PLEKHA6: variants seen among roughly 807,000 people sequenced by gnomAD.
The protein encoded by PLEKHA6 is pleckstrin homology domain-containing family A member 6.
A neutral mutation model predicts 116.7 loss-of-function variants in PLEKHA6; 60 were observed. That is an observed-to-expected ratio of 0.51 (90% confidence interval 0.42 to 0.64). The LOEUF is 0.64. Among genes scored for constraint, PLEKHA6 ranks in the 30% least tolerant of loss-of-function variants. The probability of loss-of-function intolerance (pLI) is 0.00; values close to 1 mark genes in which losing one functional copy is unlikely to be tolerated. For missense variants in PLEKHA6, 1,338 were observed against 1,422.7 expected, an observed-to-expected ratio of 0.94 and a Z score of 0.96; for synonymous variants, 489 against 556.1, an observed-to-expected ratio of 0.88 and a Z score of 1.70.
At chr1:204,266,112 T>G (rs113493936) in intron 5 of PLEKHA6, among the ~76,000 whole-genome samples, 4 of 152,024 alleles carry the variant, frequency 2.6e-5, no homozygotes, top group African/African-American at 9.7e-5. Context: ...CTTCTCCTCC[T>G]ACTCATCACA....
At position 204,291,017 on chromosome 1, in the gene PLEKHA6, G is replaced by A. The variant is rs9727418; in HGVS notation, c.-94-16208C>T. Among the ~76,000 whole-genome samples the A allele has an allele frequency of 9.8e-3, 1,315 of 133,594 alleles. 19 individuals carry two copies. The highest frequency in any genetic ancestry group is 0.032 in the African/African-American group (1,203 of 38,064). The allele number at this position is 133,594 out of a possible 152,430, so 87.6% of individuals were successfully genotyped here. The stretch of plus-strand genomic sequence containing the variant: ...AAAAAAAAAAAAAAGACATTGTTAC[G>A]AAAATGAAAAAGTAAGCCATAAACA... On this transcript the variant is annotated intron_variant, in intron 1 of 22. Transcript: ENST00000272203.
intron 8 of PLEKHA6, among the ~76,000 whole-genome samples, chr1:204,258,236 G>A (rs915878558): frequency 3.9e-5 from 6 of 152,198 alleles, no homozygotes; most frequent in South Asian, 4.1e-4. Context: ...GGCAATGTAG[G>A]AGGGATGAAA....
chr1:204,358,867 C>T (rs1396408297), intron 1 of PLEKHA6, among the ~76,000 whole-genome samples: 1 of 151,922 alleles, frequency 6.6e-6, no homozygotes, highest in Non-Finnish European at 1.5e-5. Flanking sequence ...AGAGCATTTC[C>T]CAGGAGCCTC....
chr1:204,361,973 C>A (rs1366296312), upstream of PLEKHA6, among the ~76,000 whole-genome samples: 1 of 152,218 alleles, frequency 6.6e-6, no homozygotes, highest in Non-Finnish European at 1.5e-5. Context: ...GGGCGGGTTT[C>A]CTCTCTGGCA....
chr1:204,275,015 G>A, intron 1 of PLEKHA6: 1 of 877,728 alleles, frequency 1.1e-6, no homozygotes. Flanking sequence ...GATGAAGCCT[G>A]GTCACCTCCC....
rs535657418 is a variant in PLEKHA6 at position 204,314,740 on chromosome 1, C to T, written c.-94-39931G>A. Among the ~76,000 whole-genome samples the T allele has an allele frequency of 3.3e-5, 5 of 152,320 alleles. No individual in the cohort carries two copies. The East Asian group carries it at 7.7e-4, about 24-fold the overall frequency. ...TCTCCCTGCCTCAGAGACCTTTATC[C>T]ACTTCATCTCTTACCTCCACAATGG... On this transcript the variant is annotated intron_variant, in intron 1 of 22. Coordinates refer to ENST00000272203, the MANE Select transcript of PLEKHA6 (RefSeq NM_014935.5).
chr1:204,237,842 C>T (rs2102517002), intron 17 of PLEKHA6, among the ~76,000 whole-genome samples: 1 of 152,312 alleles, frequency 6.6e-6, no homozygotes, highest in Middle Eastern at 3.4e-3. Flanking sequence ...ACATTGATGA[C>T]CTTATGCTGA....
At chr1:204,326,357 G>A (rs1381278959) in intron 1 of PLEKHA6, among the ~76,000 whole-genome samples, 1 of 152,130 alleles carries the variant, frequency 6.6e-6, no homozygotes, top group African/African-American at 2.4e-5. Context: ...TTCTATCAGT[G>A]CCCACTATGT....
chr1:204,273,875 G>T (rs1667736398), intron 2 of PLEKHA6, 135 bp from the exon 3 acceptor site: 1 of 649,996 alleles, frequency 1.5e-6, no homozygotes, highest in Non-Finnish European at 2.8e-6. Context: ...TGCCATTGAG[G>T]GGTCACCTCA....
chr1:204,257,597 G>A lies in PLEKHA6; in HGVS notation c.1280C>T (p.Pro427Leu). The A allele has an allele frequency of 6.2e-7, 1 of 1,609,398 alleles. No individual in the cohort carries two copies. The highest frequency in any genetic ancestry group is 1.1e-5 in the South Asian group (1 of 90,302). Residue 427 changes from proline to leucine, a missense_variant, in exon 9 of 23, where the codon CCC (proline) becomes CTC (leucine). By Grantham distance (98) the Pro-to-Leu change is moderately conservative (BLOSUM62 -3). Around this residue, in one of 3 missense-constraint regions of PLEKHA6, gnomAD observed 1,136 missense variants for 1,163.6 expected, o/e 0.98. Coordinates refer to ENST00000272203, the MANE Select transcript of PLEKHA6 (RefSeq NM_014935.5). This position sits in a 1 kb window ranked among gnomAD's most constrained non-coding sequence, Gnocchi z 6.5. ...ATCATAATAGACTGGCTGCCGGGAG[G>A]GGCTTGGGATCCAGACGGTGGCATC... is the stretch of plus-strand genomic sequence containing the variant. ...RQDATVWIPS[P>L]SRQPVYYDEL...
chr1:204,277,250 G>A lies in PLEKHA6; in HGVS notation c.-94-2441C>T, dbSNP rs1668114116. 6.6e-6 allele frequency: 1 copy of A among 152,336 alleles called. No homozygotes were observed. The allele number at this position is 152,336 out of a possible 1,614,324, so 9.4% of individuals were successfully genotyped here. ...CTTGGGTGGTGGTAGGGGTCGCCTA[G>A]GTGCCCTAGTAGGCCTGTGGCTTCC... On this transcript the variant is annotated intron_variant, in intron 1 of 22. Coordinates refer to ENST00000272203, the MANE Select transcript of PLEKHA6 (RefSeq NM_014935.5). The surrounding 1 kb of genome is among the most constrained non-coding windows in gnomAD (Gnocchi z 4.1).
In PLEKHA6 at chr1:204,291,069, G is replaced by A. The variant is rs767852346; in HGVS notation, c.-94-16260C>T. On this transcript the variant is annotated intron_variant, in intron 1 of 22. Transcript: ENST00000272203. ...AGAAAATATTTGCAAACTATATAAC[G>A]CACATAGGACTTTTATCTAGAACCT... Among the ~76,000 whole-genome samples the A allele has an allele frequency of 4.0e-5, 6 of 148,754 alleles. 1 individual carries two copies. In the South Asian group the frequency reaches 6.3e-4, roughly 16 times the overall value.
chr1:204,250,575 T>C lies in PLEKHA6; in HGVS notation c.1564A>G (p.Thr522Ala), dbSNP rs1429349239. Residue 522 changes from threonine to alanine, a missense_variant, in exon 10 of 23, where the codon ACC becomes GCC. Physicochemically the swap from Thr to Ala is moderately conservative, Grantham distance 58 (BLOSUM62 0). This residue lies in a region of PLEKHA6 where 1,136 missense variants were observed against 1,163.6 expected (regional missense o/e 0.98). Coordinates refer to ENST00000272203, the MANE Select transcript of PLEKHA6 (RefSeq NM_014935.5). ...GTGTCTTGCTCGTTTAACTTGTAGG[T>C]GTGGAGGCTGTCCCGGAACACTTCT... ...YPEVFRDSLH[T>A]YKLNEQDTDK... The C allele has an allele frequency of 1.9e-6, 3 of 1,612,918 alleles. No homozygotes were observed. The South Asian group carries it at 3.3e-5, about 18-fold the overall frequency.
chr1:204,219,430 A>C lies in PLEKHA6; in HGVS notation c.*3358T>G, dbSNP rs552869946. Reference sequence around the variant, plus strand: ...CACTTGTGCCCTTAGAAAATCTTCAAAGTGACAGTAGCAGTATTTGACTGC... The same window carrying C: ...CACTTGTGCCCTTAGAAAATCTTCACAGTGACAGTAGCAGTATTTGACTGC... On this transcript the variant is annotated 3_prime_UTR_variant, in exon 23 of 23. Coordinates refer to ENST00000272203, the MANE Select transcript of PLEKHA6 (RefSeq NM_014935.5). The C allele has an allele frequency of 1.6e-4, 24 of 152,528 alleles. No homozygotes were observed. The highest frequency in any genetic ancestry group is 5.3e-4 in the African/African-American group (22 of 41,494). The allele number at this position is 152,528 out of a possible 1,614,324, so 9.4% of individuals were successfully genotyped here.
At chr1:204,333,952 T>C (rs1352562568) in intron 1 of PLEKHA6, among the ~76,000 whole-genome samples, 1 of 152,302 alleles carries the variant, frequency 6.6e-6, no homozygotes, top group South Asian at 2.1e-4. Context: ...CTATTTAAAA[T>C]GGTAAGGTCC....
At chr1:204,332,860 T>C (rs560954838) in intron 1 of PLEKHA6, among the ~76,000 whole-genome samples, 2 of 152,176 alleles carry the variant, frequency 1.3e-5, no homozygotes, top group Non-Finnish European at 2.9e-5. Context: ...AGTTATAAAG[T>C]CACTGTGATT....
chr1:204,307,286 T>C (rs1671409113), intron 1 of PLEKHA6: 1 of 152,232 alleles, frequency 6.6e-6, no homozygotes, highest in South Asian at 2.1e-4. Flanking sequence ...ACTGAAAGTT[T>C]GGCTGGCCCC....
intron 1 of PLEKHA6, among the ~76,000 whole-genome samples, chr1:204,344,523 C>A (rs1166339087): frequency 6.6e-6 from 1 of 150,828 alleles, no homozygotes; most frequent in Non-Finnish European, 1.5e-5. Context: ...TTGCTTGAAC[C>A]CGGGAGGCAG....
At chr1:204,271,056 C>T (rs374140494) in intron 3 of PLEKHA6, among the ~76,000 whole-genome samples, 6 of 152,262 alleles carry the variant, frequency 3.9e-5, no homozygotes, top group South Asian at 4.1e-4. Context: ...AGCCATGGCC[C>T]GTGGGCCACA....
Sources: gnomAD v4.1 joint callset for allele counts (sites outside exome capture counted in the v4.1 genomes callset) on GRCh38, gnomAD v4.1.1 for gene constraint, gnomAD v4.1.1 regional missense constraint, Gnocchi (gnomAD v3.1) non-coding constraint, MANE v1.5 for transcripts, NCBI Gene and HGNC (gene_info 2026-07-23, HGNC 2026-07-21) for gene names.